Variants in SPOCK1 observed in about 807,000 individuals in gnomAD.
The protein encoded by SPOCK1 is testican-1.
Under a neutral mutation model 55.3 loss-of-function variants are expected in SPOCK1, and 23 were observed. The ratio of observed to expected loss-of-function variants is 0.42; its 90% confidence interval spans 0.30 to 0.59. The LOEUF (loss-of-function observed/expected upper bound fraction) is 0.59. SPOCK1 is among the 20% of genes least tolerant of loss of function. The probability of loss-of-function intolerance (pLI) is 0.22; values close to 1 mark genes in which losing one functional copy is unlikely to be tolerated. For missense variants in SPOCK1, 499 were observed against 552.5 expected (o/e 0.90, Z 0.97); for synonymous variants, 226 against 221.0 (o/e 1.02, Z -0.20).
intron 3 of SPOCK1, among the ~76,000 whole-genome samples, chr5:137,161,503 G>A (rs1019986800): frequency 1.5e-4 from 23 of 151,296 alleles, no homozygotes; most frequent in Admixed American, 1.2e-3. Flanking sequence ...AATTGCTTAG[G>A]CTATAAAATC....
chr5:137,401,844 G>A lies in SPOCK1; in HGVS notation c.186+96529C>T, dbSNP rs185358416. Among the ~76,000 whole-genome samples the A allele has an allele frequency of 1.4e-3, 215 of 152,158 alleles. 1 individual carries two copies. Among genetic ancestry groups the A allele is most frequent in the Middle Eastern group, 0.01 (3 of 294 alleles). On this transcript the variant is annotated intron_variant, in intron 2 of 10. Coordinates refer to ENST00000394945, the MANE Select transcript of SPOCK1 (RefSeq NM_004598.4). ...AAATCTGCTCATGATACACATATGC[G>A]TGATGTGCACAAACTCCCCACACCT...
At chr5:137,329,643 T>G (rs994821876) in intron 2 of SPOCK1, among the ~76,000 whole-genome samples, 1 of 152,130 alleles carries the variant, frequency 6.6e-6, no homozygotes, top group Admixed American at 6.5e-5. Flanking sequence ...TGGGATGTAG[T>G]GGGGAGGGAG....
intron 2 of SPOCK1, among the ~76,000 whole-genome samples, chr5:137,432,965 A>G (rs1752781286): frequency 6.6e-6 from 1 of 152,204 alleles, no homozygotes; most frequent in Non-Finnish European, 1.5e-5. Context: ...AAGGCATTTC[A>G]TCCATGCAGC....
intron 2 of SPOCK1, among the ~76,000 whole-genome samples, chr5:137,342,291 C>T (rs1750449104): frequency 6.6e-6 from 1 of 152,040 alleles, no homozygotes; most frequent in Non-Finnish European, 1.5e-5. Flanking sequence ...ACAAGAATCT[C>T]TTTCAATGGA....
At chr5:137,433,738 C>T (rs76226998) in intron 2 of SPOCK1, among the ~76,000 whole-genome samples, 25,286 of 152,124 alleles carry the variant, frequency 0.17, 2,318 homozygotes, top group Admixed American at 0.28. Context: ...AACAAAGCTT[C>T]CCTTCCAAAG....
At chr5:137,400,959 CCT>C in intron 2 of SPOCK1, among the ~76,000 whole-genome samples, 1 of 152,170 alleles carries the variant, frequency 6.6e-6, no homozygotes, top group Non-Finnish European at 1.5e-5. Flanking sequence ...GCTGGAAACC[CCT>C]CTCCCGCCCA....
intron 2 of SPOCK1, among the ~76,000 whole-genome samples, chr5:137,449,588 T>G (rs1753206404): frequency 6.6e-6 from 1 of 152,080 alleles, no homozygotes; most frequent in South Asian, 2.1e-4. Context: ...GCAAAACCCA[T>G]GTCTAAGATT....
chr5:137,498,846 A>G (rs1754369384), intron 1 of SPOCK1, among the ~76,000 whole-genome samples: 1 of 152,034 alleles, frequency 6.6e-6, no homozygotes, highest in African/African-American at 2.4e-5. Context: ...CCGCCCTCCT[A>G]TCAGGGGCTT....
chr5:137,461,031 A>G (rs1753479313), intron 2 of SPOCK1, among the ~76,000 whole-genome samples: 1 of 152,178 alleles, frequency 6.6e-6, no homozygotes, highest in Admixed American at 6.5e-5. Context: ...ACGTAGCTCT[A>G]TCAGAAATTC....
intron 2 of SPOCK1, among the ~76,000 whole-genome samples, chr5:137,371,078 G>C (rs1015738659): frequency 2.0e-5 from 3 of 152,200 alleles, no homozygotes; most frequent in African/African-American, 7.2e-5. Context: ...ATGCCTTCAG[G>C]CTTACACCCT....
chr5:137,131,989 A>AAAAAAT (rs1391176339), intron 4 of SPOCK1, among the ~76,000 whole-genome samples: 3 of 36,068 alleles, frequency 8.3e-5, no homozygotes, highest in Admixed American at 4.6e-4. Flanking sequence ...AAAAAAAAAA[A>AAAAAAT]ATATATATAT....
At chr5:136,996,507 A>G (rs1751042015) in intron 6 of SPOCK1, among the ~76,000 whole-genome samples, 1 of 151,994 alleles carries the variant, frequency 6.6e-6, no homozygotes, top group African/African-American at 2.4e-5. Context: ...CCCATTTTCA[A>G]TTACATTCCC....
intron 2 of SPOCK1, among the ~76,000 whole-genome samples, chr5:137,374,714 A>T (rs991360081): frequency 1.1e-4 from 16 of 152,220 alleles, no homozygotes; most frequent in Non-Finnish European, 1.9e-4. Flanking sequence ...TGAGGGGAAC[A>T]CAGCATGCAG....
chr5:137,164,537 A>G (rs1428636425), intron 3 of SPOCK1, among the ~76,000 whole-genome samples: 1 of 152,134 alleles, frequency 6.6e-6, no homozygotes, highest in Admixed American at 6.5e-5. Flanking sequence ...GGCTACAGTG[A>G]GAGACTCAGG....
intron 2 of SPOCK1, among the ~76,000 whole-genome samples, chr5:137,467,660 G>C (rs1191846690): frequency 6.6e-6 from 1 of 152,200 alleles, no homozygotes; most frequent in Admixed American, 6.5e-5. Flanking sequence ...CTAAAGAAGA[G>C]AGCCAGGCTG....
intron 6 of SPOCK1, among the ~76,000 whole-genome samples, chr5:137,029,647 G>C (rs541602150): frequency 6.6e-6 from 1 of 152,346 alleles, no homozygotes; most frequent in African/African-American, 2.4e-5. Context: ...CAGAGATCAT[G>C]CTAGGGTCAT....
chr5:137,021,084 C>T (rs577763576), intron 6 of SPOCK1, among the ~76,000 whole-genome samples: 3 of 152,122 alleles, frequency 2.0e-5, no homozygotes, highest in Middle Eastern at 3.4e-3. Flanking sequence ...TACACATACA[C>T]CCAGAGAAGT....
At chr5:137,020,373 G>T (rs527292454) in intron 6 of SPOCK1, among the ~76,000 whole-genome samples, 54 of 151,902 alleles carry the variant, frequency 3.6e-4, no homozygotes, top group Middle Eastern at 3.4e-3. Flanking sequence ...ATTCAAAAAA[G>T]ACTACTGAAA....
intron 3 of SPOCK1, among the ~76,000 whole-genome samples, chr5:137,196,520 A>G (rs551934746): frequency 2.6e-5 from 4 of 152,198 alleles, no homozygotes; most frequent in African/African-American, 9.6e-5. Flanking sequence ...GCCTTCCATC[A>G]CAGAGTATTT....
Sources: allele counts gnomAD v4.1 joint callset (sites outside exome capture counted in the v4.1 genomes callset), GRCh38; gene constraint gnomAD v4.1.1; transcripts MANE v1.5; gene names NCBI Gene and HGNC (gene_info 2026-07-23, HGNC 2026-07-21).